The following NEO1 variants were observed in gnomAD, a reference collection of about 807,000 sequenced individuals.
NEO1 encodes the protein neogenin 1, also known as neogenin.
A neutral mutation model predicts 159.7 loss-of-function variants in NEO1; 63 were observed. The ratio of observed to expected loss-of-function variants is 0.39; its 90% CI spans 0.32 to 0.49. The LOEUF (loss-of-function observed/expected upper bound fraction) is 0.49. Among genes scored for constraint, NEO1 ranks in the 20% least tolerant of loss-of-function variants. NEO1 has a pLI of 0.85. For missense variants in NEO1, 1,615 were observed against 1,831.0 expected (o/e 0.88, Z 2.15); for synonymous variants, 633 against 662.0 (o/e 0.96, Z 0.67).
At chr15:73,262,459 C>T (rs2040663010) in intron 15 of NEO1, among the ~76,000 whole-genome samples, 1 of 152,116 alleles carries the variant, frequency 6.6e-6, no homozygotes, top group Non-Finnish European at 1.5e-5. Context: ...TGAACAGACA[C>T]TATACCAAAG....
intron 16 of NEO1, among the ~76,000 whole-genome samples, chr15:73,269,429 C>G (rs985165281): frequency 6.6e-6 from 1 of 152,172 alleles, no homozygotes; most frequent in African/African-American, 2.4e-5. Flanking sequence ...GGTGCAATCT[C>G]AGCTCACCGC....
chr15:73,105,030 C>T (rs1595994320), intron 1 of NEO1, among the ~76,000 whole-genome samples: 1 of 152,216 alleles, frequency 6.6e-6, no homozygotes, highest in East Asian at 1.9e-4. Context: ...ATATTTAGAG[C>T]ACCTCTTGAA....
In NEO1 at chr15:73,268,118, A is replaced by G. The variant is rs182004759; in HGVS notation, c.2494+1707A>G. Among the ~76,000 whole-genome samples the G allele has an allele frequency of 2.0e-4, 30 of 152,170 alleles. No individual in the cohort carries two copies. The East Asian group carries it at 4.6e-3, about 23-fold the overall frequency. ...TCTCTGTCCTTTTTTTTAAGCTTCT[A>G]TTTAAGACTACTACATGTTTGGTAG... is the stretch of plus-strand genomic sequence containing the variant. On this transcript the variant is annotated intron_variant, in intron 16 of 28. Transcript: ENST00000261908.
chr15:73,206,972 T>C lies in NEO1; in HGVS notation c.1291+28545T>C, dbSNP rs79539654. 8.6e-3 allele frequency among the ~76,000 whole-genome samples: 1,307 copies of C among 152,232 alleles called. 23 individuals are homozygous for C. The highest frequency in any genetic ancestry group is 0.03 in the African/African-American group (1,235 of 41,548). On this transcript the variant is annotated intron_variant, in intron 7 of 28. Transcript: ENST00000261908. Reference sequence around the variant, plus strand: ...GGGCTCAAGCAACAATCCCCCCATCTCAGCTTCCTGAGCAGGTGGGACTAC... The same window carrying C: ...GGGCTCAAGCAACAATCCCCCCATCCCAGCTTCCTGAGCAGGTGGGACTAC...
Position 73,272,462 on chromosome 15 carries a change from T to C in NEO1, c.2865T>C (p.Thr955=). The C allele has an allele frequency of 6.2e-7, 1 of 1,612,990 alleles. No homozygotes were observed. Among genetic ancestry groups the C allele is most frequent in the African/African-American group, 1.3e-5 (1 of 75,048 alleles). Residue 955 remains threonine, a synonymous_variant, in exon 19 of 29, where the codon ACT becomes ACC. Transcript: ENST00000261908. ...AHGTTFELVP[T]SPPKDVTVVS... is the part of the protein sequence containing the mutation. ...AATTTTGTTATTTTGTAGTTCCGAC[T>C]TCTCCACCCAAGGATGTGACTGTTG...
Position 73,242,365 on chromosome 15 carries a change from G to T in NEO1, c.1452-1979G>T, listed in dbSNP as rs147405052. On this transcript the variant is annotated intron_variant, in intron 8 of 28. Coordinates refer to ENST00000261908, the MANE Select transcript of NEO1 (RefSeq NM_002499.4). ...CAGTAAAGTAAGCTAGAGAAAAAAT[G>T]TTATTAAAAAAATCATAAGGGACCA... 5.7e-3 allele frequency among the ~76,000 whole-genome samples: 867 copies of T among 152,164 alleles called. 4 individuals carry two copies. Among genetic ancestry groups the T allele is most frequent in the Middle Eastern group, 0.034 (10 of 292 alleles).
At chr15:73,121,056 C>T (rs893530356) in intron 2 of NEO1, among the ~76,000 whole-genome samples, 10 of 148,626 alleles carry the variant, frequency 6.7e-5, no homozygotes, top group Non-Finnish European at 1.2e-4. Flanking sequence ...TAAATACCTA[C>T]GTGTATATTT....
intron 14 of NEO1, 62 bp downstream of exon 14, chr15:73,258,938 A>G (rs2040490524): frequency 1.4e-6 from 2 of 1,414,436 alleles, no homozygotes; most frequent in African/African-American, 1.4e-5. Flanking sequence ...AAATGAGTCA[A>G]ACTGGAAAGC....
chr15:73,254,650 C>G, intron 12 of NEO1, 32 bp from the exon 13 acceptor site: 1 of 1,551,534 alleles, frequency 6.4e-7, no homozygotes, highest in Non-Finnish European at 8.7e-7. Flanking sequence ...TTGATATATT[C>G]AGCCTTTTTT....
chr15:73,073,520 G>A (rs2068632600), intron 1 of NEO1, among the ~76,000 whole-genome samples: 1 of 152,124 alleles, frequency 6.6e-6, no homozygotes, highest in Non-Finnish European at 1.5e-5. Context: ...GATAGTTTAA[G>A]TATGCAAGGA....
At chr15:73,207,278 A>G (rs959985781) in intron 7 of NEO1, among the ~76,000 whole-genome samples, 5 of 152,254 alleles carry the variant, frequency 3.3e-5, no homozygotes, top group African/African-American at 1.2e-4. Flanking sequence ...CTATTTGTAT[A>G]TATGTTTAAG....
intron 7 of NEO1, among the ~76,000 whole-genome samples, chr15:73,232,812 C>A (rs1226572074): frequency 1.3e-5 from 2 of 152,146 alleles, no homozygotes; most frequent in Non-Finnish European, 2.9e-5. Flanking sequence ...GACAACACTC[C>A]ATATCAAATG....
At position 73,240,040 on chromosome 15, in the gene NEO1, A is replaced by G. The variant is rs573713630; in HGVS notation, c.1451+3534A>G. Among the ~76,000 whole-genome samples, 71 of 152,254 alleles carry G rather than the reference A, an allele frequency of 4.7e-4. No individual in the cohort carries two copies. The South Asian group carries it at 0.013, about 28-fold the overall frequency. On this transcript the variant is annotated intron_variant, in intron 8 of 28. Coordinates refer to ENST00000261908, the MANE Select transcript of NEO1 (RefSeq NM_002499.4). ...CAGGGATGCTGATGAACATCCTGCC[A>G]TGCACAGGACAGTCCCACAACAAAG...
intron 5 of NEO1, among the ~76,000 whole-genome samples, chr15:73,176,074 T>G (rs922989363): frequency 6.6e-6 from 1 of 152,200 alleles, no homozygotes; most frequent in Non-Finnish European, 1.5e-5. Flanking sequence ...AAAAATGGTA[T>G]AAATCTTAGG....
Position 73,168,178 on chromosome 15 carries a change from A to G in NEO1, c.1016-8225A>G, listed in dbSNP as rs142654320. Among the ~76,000 whole-genome samples, 1,013 of 151,904 alleles carry G rather than the reference A, an allele frequency of 6.7e-3. 6 individuals carry two copies. Among genetic ancestry groups the G allele is most frequent in the Non-Finnish European group, 0.011 (749 of 67,912 alleles). On this transcript the variant is annotated intron_variant, in intron 5 of 28. Transcript: ENST00000261908. ...CTGTGTGTCAGGAAATGCTTCTTTAAGGAAGTTTTTTGTTTTGTTTTGTAT... is the reference window on the plus strand; with the variant it reads ...CTGTGTGTCAGGAAATGCTTCTTTAGGGAAGTTTTTTGTTTTGTTTTGTAT...
chr15:73,150,012 C>T (rs2033246297), intron 5 of NEO1, among the ~76,000 whole-genome samples: 1 of 152,154 alleles, frequency 6.6e-6, no homozygotes, highest in South Asian at 2.1e-4. Flanking sequence ...CCCCTCTCAC[C>T]TTGATCTCTT....
At chr15:73,260,242 C>T in intron 14 of NEO1, 29 bp from the exon 15 acceptor site, 1 of 1,602,816 alleles carries the variant, frequency 6.2e-7, no homozygotes, top group Non-Finnish European at 8.5e-7. Context: ...CAGTATATCT[C>T]ATCTTGCTTT....
rs1342837926 is a variant in NEO1 at position 73,304,883 on chromosome 15, G to C, written c.*2187G>C. 5 of 152,096 alleles carry C rather than the reference G, an allele frequency of 3.3e-5. No homozygotes were observed. The highest frequency in any genetic ancestry group is 5.9e-5 in the Non-Finnish European group (4 of 68,018). The allele number at this position is 152,096 out of a possible 1,614,324, so 9.4% of individuals were successfully genotyped here. A position where few individuals can be genotyped will look rare whatever the true frequency, so the allele number is the denominator to read the frequency against. ...GGGTTTTTTAAAAAATTAAGAAAAA[G>C]GAAAGCTATTCTGTATTGCACCTTT... On this transcript the variant is annotated 3_prime_UTR_variant, in exon 29 of 29. Transcript: ENST00000261908.
rs2034420229 is a variant in NEO1 at position 73,164,305 on chromosome 15, C to G, written c.1016-12098C>G. On this transcript the variant is annotated intron_variant, in intron 5 of 28. Transcript: ENST00000261908. Reference sequence around the variant, plus strand: ...CTCAGCTCATTGCAACTTCCACTTCCTGGGTTCAGTCCATTCTCCTGTCTC... The same window carrying G: ...CTCAGCTCATTGCAACTTCCACTTCGTGGGTTCAGTCCATTCTCCTGTCTC... Among the ~76,000 whole-genome samples the G allele has an allele frequency of 2.6e-5, 4 of 151,508 alleles. No homozygotes were observed. The South Asian group carries it at 8.3e-4, about 32-fold the overall frequency.
Sources: allele counts gnomAD v4.1 joint callset (sites outside exome capture counted in the v4.1 genomes callset), GRCh38; gene constraint gnomAD v4.1.1; transcripts MANE v1.5; gene names NCBI Gene and HGNC (gene_info 2026-07-23, HGNC 2026-07-21).